Variants in SLC4A5 observed in about 807,000 individuals in gnomAD.
SLC4A5 encodes the protein electrogenic sodium bicarbonate cotransporter 4.
A neutral mutation model predicts 120.4 loss-of-function variants in SLC4A5; 96 were observed. The ratio of observed to expected loss-of-function variants is 0.80; its 90% CI spans 0.68 to 0.94. The LOEUF (loss-of-function observed/expected upper bound fraction) is 0.94, where lower values mean the gene tolerates loss of function less well. Among genes scored for constraint, SLC4A5 ranks in the 40% least tolerant of loss-of-function variants. The pLI, the probability that SLC4A5 is intolerant of heterozygous loss-of-function variation, is 0.00. For synonymous variants in SLC4A5, 550 were observed against 571.1 expected, an observed-to-expected ratio of 0.96 and a Z score of 0.53; for missense variants, 1,259 against 1,459.5, an observed-to-expected ratio of 0.86 and a Z score of 2.24.
chr2:74,263,665 C>G (rs557346308), intron 10 of SLC4A5, among the ~76,000 whole-genome samples: 1 of 152,296 alleles, frequency 6.6e-6, no homozygotes, highest in East Asian at 1.9e-4. Context: ...CTTCTACCAC[C>G]CTGATGTGTT....
intron 14 of SLC4A5, among the ~76,000 whole-genome samples, chr2:74,253,676 G>A (rs1670866781): frequency 1.3e-5 from 2 of 151,812 alleles, no homozygotes; most frequent in South Asian, 4.2e-4. Context: ...TGAGGCCGAA[G>A]CAAATCTGAC....
At chr2:74,320,367 A>C (rs1483965131) in intron 5 of SLC4A5, among the ~76,000 whole-genome samples, 1 of 152,204 alleles carries the variant, frequency 6.6e-6, no homozygotes, top group African/African-American at 2.4e-5. Context: ...ATGAAGCATT[A>C]GGACTTCATG....
At chr2:74,218,986 C>T (rs1164871608) in intron 30 of SLC4A5, among the ~76,000 whole-genome samples, 194 bp from the exon 31 acceptor site, 1 of 152,204 alleles carries the variant, frequency 6.6e-6, no homozygotes, top group Non-Finnish European at 1.5e-5. Context: ...CCTATCTTCA[C>T]ATTGCTGCCA....
At chr2:74,317,698 A>G (rs1673001118) in intron 5 of SLC4A5, among the ~76,000 whole-genome samples, 1 of 152,256 alleles carries the variant, frequency 6.6e-6, no homozygotes, top group Admixed American at 6.5e-5. Context: ...AAGTAAATGC[A>G]GTTAGCCCCT....
chr2:74,286,802 A>G (rs1671998793), intron 7 of SLC4A5, among the ~76,000 whole-genome samples: 1 of 152,226 alleles, frequency 6.6e-6, no homozygotes. Flanking sequence ...TTGAAAAATG[A>G]GAACGAGCCA....
At position 74,221,521 on chromosome 2, in the gene SLC4A5, T is replaced by C. The variant is rs1694644902; in HGVS notation, c.3332-20A>G. The C allele has an allele frequency of 1.9e-6, 3 of 1,613,378 alleles. No individual in the cohort carries two copies. The Admixed American group carries it at 5.0e-5, about 27-fold the overall frequency. ...TTTTTCCTGGCAGGAAAATGAAAAA[T>C]GTCAGATGTGGAGCAGGTTTGAGCA... On this transcript the variant is annotated intron_variant, in intron 29 of 30. Transcript: ENST00000394019.
rs1670852290 is a variant in SLC4A5 at position 74,253,300 on chromosome 2, G to A, written c.1114-172C>T. ...TACATTGGTAAAATATGGCACAATG[G>A]GACACAGCAGGCACTGGGGGAAGAC... On this transcript the variant is annotated intron_variant, in intron 14 of 30. Transcript: ENST00000394019. 4.6e-5 allele frequency among the ~76,000 whole-genome samples: 7 copies of A among 152,240 alleles called. 1 individual carries two copies. The South Asian group carries it at 1.5e-3, about 32-fold the overall frequency.
chr2:74,252,957 C>G lies in SLC4A5; in HGVS notation c.1268+17G>C, dbSNP rs764098205. The stretch of plus-strand genomic sequence containing the variant: ...AAGCCTCCTTTTTCTCTCCCTACTG[C>G]CCATTCTCATACACACCTCTTGTCA... On this transcript the variant is annotated intron_variant, in intron 15 of 30. Coordinates refer to ENST00000394019, the Ensembl canonical transcript of SLC4A5. 5 of 1,613,908 alleles carry G rather than the reference C, an allele frequency of 3.1e-6. No individual in the cohort carries two copies. Among genetic ancestry groups the G allele is most frequent in the Non-Finnish European group, 4.2e-6 (5 of 1,179,940 alleles).
intron 7 of SLC4A5, among the ~76,000 whole-genome samples, chr2:74,303,849 T>A (rs1672549827): frequency 7.7e-6 from 1 of 129,216 alleles, no homozygotes; most frequent in South Asian, 2.3e-4. Context: ...TCCATTATTA[T>A]TATTTTTTTT....
At chr2:74,250,843 C>T (rs1156819490) in intron 16 of SLC4A5, 1 of 260,694 alleles carries the variant, frequency 3.8e-6, no homozygotes, top group Non-Finnish European at 7.4e-6. Context: ...CCTCACATCC[C>T]TGACCATCTG....
intron 21 of SLC4A5, 56 bp downstream of exon 21, chr2:74,239,279 G>A: frequency 1.3e-6 from 2 of 1,553,336 alleles, no homozygotes; most frequent in Non-Finnish European, 1.8e-6. Flanking sequence ...ACCCTCTCTG[G>A]GGGACTCAGC....
intron 21 of SLC4A5, among the ~76,000 whole-genome samples, chr2:74,236,804 G>C (rs1164377466): frequency 6.6e-6 from 1 of 152,098 alleles, no homozygotes; most frequent in African/African-American, 2.4e-5. Flanking sequence ...AACCTAATCA[G>C]AGAGTGTCAG....
At chr2:74,228,662 GC>G (rs1694938600) in intron 25 of SLC4A5, among the ~76,000 whole-genome samples, 2 of 62,520 alleles carry the variant, frequency 3.2e-5, no homozygotes, top group East Asian at 4.3e-4. Flanking sequence ...AAACCCCCCC[GC>G]CCCCCAAAAA....
chr2:74,254,561 CA>C (rs1374159127), intron 14 of SLC4A5, 57 bp downstream of exon 14: 2 of 1,302,996 alleles, frequency 1.5e-6, no homozygotes, highest in Non-Finnish European at 2.2e-6. Context: ...AATGAAGGTG[CA>C]GTGCTTGGTG....
intron 5 of SLC4A5, among the ~76,000 whole-genome samples, chr2:74,318,414 G>A (rs779488883): frequency 1.3e-5 from 2 of 152,216 alleles, no homozygotes; most frequent in Non-Finnish European, 2.9e-5. Flanking sequence ...GCCTGGCGAG[G>A]TGGCTCATGC....
At chr2:74,216,318 TTA>T (rs1326619155) in exon 31 of SLC4A5, 3 of 152,220 alleles carry the variant, frequency 2.0e-5, no homozygotes. Context: ...TGGAGAAGTA[TTA>T]TGTCAACCTG....
intron 6 of SLC4A5, among the ~76,000 whole-genome samples, chr2:74,306,035 TTTAC>T (rs1156263379): frequency 6.6e-6 from 1 of 152,158 alleles, no homozygotes; most frequent in East Asian, 1.9e-4. Flanking sequence ...CAACCCCCTT[TTTAC>T]TTACTATCTC....
At chr2:74,292,136 G>A (rs964689738) in intron 7 of SLC4A5, among the ~76,000 whole-genome samples, 2 of 152,178 alleles carry the variant, frequency 1.3e-5, no homozygotes, top group African/African-American at 4.8e-5. Context: ...GACTGTGGCA[G>A]GGATTCAATG....
At position 74,227,078 on chromosome 2, in the gene SLC4A5, T is replaced by C. The variant is rs138437003; in HGVS notation, c.2969A>G (p.His990Arg). ...CAGCGGCACGTGCCGCAGGAAGGCA[T>C]GGTCCGGCTGGTGCTTGGCTGGCAT... The change falls in exon 27 of 31, where the codon CAT becomes CGT. Residue 990 changes from histidine (H) to arginine (R), a missense_variant. By Grantham distance (29) the His-to-Arg change is conservative. Coordinates refer to ENST00000394019, the Ensembl canonical transcript of SLC4A5. The C allele has an allele frequency of 2.5e-6, 4 of 1,613,842 alleles. No homozygotes were observed. The African/African-American group carries it at 5.3e-5, about 22-fold the overall frequency.
Sources: allele counts gnomAD v4.1 joint callset (sites outside exome capture counted in the v4.1 genomes callset), GRCh38; gene constraint gnomAD v4.1.1; transcripts MANE v1.5; gene names NCBI Gene and HGNC (gene_info 2026-07-23, HGNC 2026-07-21).